RASGRF1: variants seen among roughly 807,000 people sequenced by gnomAD.
RASGRF1 encodes the protein Ras protein specific guanine nucleotide releasing factor 1.
Under a neutral mutation model 138.7 loss-of-function variants are expected in RASGRF1, and 40 were observed. The ratio of observed to expected loss-of-function variants is 0.29; its 90% CI spans 0.22 to 0.38. RASGRF1 has a LOEUF of 0.38. Among genes scored for constraint, RASGRF1 ranks in the 10% least tolerant of loss-of-function variants. The pLI, the probability that RASGRF1 is intolerant of heterozygous loss-of-function variation, is 1.00. For synonymous variants in RASGRF1, 614 were observed against 663.2 expected (o/e 0.93, Z 1.14); for missense variants, 1,108 against 1,650.4 (o/e 0.67, Z 5.69).
Position 78,980,670 on chromosome 15 carries a change from CT to C in RASGRF1, c.3443del (p.Lys1148SerfsTer16). 6.2e-7 allele frequency: 1 copy of C among 1,605,950 alleles called. No homozygotes were observed. The highest frequency in any genetic ancestry group is 8.5e-7 in the Non-Finnish European group (1 of 1,173,232). ...TAAATCTGCCCTCAGATGACACAAG[CT>C]TTTGGAGCTTATCAATCAAAGCTTT... ...QTKALIDKLQ[K>X]LVSSEGRFKN... On this transcript the variant is annotated frameshift_variant, in exon 24 of 27. Transcript: ENST00000558480. LOFTEE classifies it high-confidence loss of function.
chr15:79,030,024 G>A (rs1189971131), intron 8 of RASGRF1, among the ~76,000 whole-genome samples: 1 of 152,082 alleles, frequency 6.6e-6, no homozygotes, highest in African/African-American at 2.4e-5. Context: ...GGGCATGGGA[G>A]GACTGGAGTC....
At chr15:79,015,115 A>C (rs1372598434) in intron 13 of RASGRF1, among the ~76,000 whole-genome samples, 1 of 152,134 alleles carries the variant, frequency 6.6e-6, no homozygotes. Context: ...AAATTTAAAA[A>C]AAAAACCCAA....
Position 79,004,148 on chromosome 15 carries a change from G to C in RASGRF1, c.2103C>G (p.Gly701=). ...ARSLELLFAS[G]QNNKLLYGEP... is the part of the protein sequence containing the mutation. ...CACCGTACAGGAGCTTATTGTTCTG[G>C]CCACTGGCAAACAGGAGCTCCAGCG... is the stretch of plus-strand genomic sequence containing the variant. The change falls in exon 15 of 27, where the codon GGC becomes GGG. Residue 701 remains glycine (G), a synonymous_variant. Transcript: ENST00000558480. 6.3e-7 allele frequency: 1 copy of C among 1,595,004 alleles called. No individual in the cohort carries two copies. Among genetic ancestry groups the C allele is most frequent in the South Asian group, 1.1e-5 (1 of 89,752 alleles).
chr15:79,080,533 A>G (rs4778879), intron 1 of RASGRF1, among the ~76,000 whole-genome samples: 63,873 of 152,082 alleles, frequency 0.42, 13,602 homozygotes, highest in East Asian at 0.51. Context: ...CTCACAGGAA[A>G]AGTTCATCTT....
intron 3 of RASGRF1, among the ~76,000 whole-genome samples, chr15:79,053,630 A>G (rs990683529): frequency 2.0e-5 from 3 of 152,242 alleles, no homozygotes; most frequent in Non-Finnish European, 2.9e-5. Flanking sequence ...GGGAGAGAAG[A>G]GACTAAGTCA....
intron 22 of RASGRF1, 194 bp from the exon 23 acceptor site, chr15:78,985,398 C>T (rs899420399): frequency 1.8e-6 from 1 of 548,982 alleles, no homozygotes; most frequent in South Asian, 2.6e-5. Context: ...TTTATATATA[C>T]ATTAGCAATA....
rs559262437 is a variant in RASGRF1, at chr15:79,066,754, T to C, written c.277-2228A>G. Among the ~76,000 whole-genome samples, 3 of 152,334 alleles carry C rather than the reference T, an allele frequency of 2.0e-5. No individual in the cohort carries two copies. The East Asian group carries it at 5.8e-4, about 29-fold the overall frequency. On this transcript the variant is annotated intron_variant, in intron 1 of 26. Transcript: ENST00000558480. ...CTGGAAACCTAACTGTGAGGAAGGA[T>C]GCCAGGAAGACCCTCCAGGCCTGAA...
At chr15:79,020,169 G>A (rs1481775844) in intron 10 of RASGRF1, 65 bp from the exon 11 acceptor site, 2 of 1,494,874 alleles carry the variant, frequency 1.3e-6, no homozygotes, top group African/African-American at 2.8e-5. Context: ...GGAGTCCCTG[G>A]ATGATAGGGT....
At chr15:78,998,073 C>T (rs772236687) in intron 19 of RASGRF1, 23 bp downstream of exon 19, 1 of 1,594,306 alleles carries the variant, frequency 6.3e-7, no homozygotes, top group African/African-American at 1.3e-5. Context: ...AGTTCTGAGC[C>T]AGGAACCAGG....
At position 79,032,696 on chromosome 15, in the gene RASGRF1, C is replaced by T. The variant is rs1462690828; in HGVS notation, c.959-380G>A. Among the ~76,000 whole-genome samples the T allele has an allele frequency of 6.6e-6, 1 of 152,190 alleles. No homozygotes were observed. The highest frequency in any genetic ancestry group is 1.5e-5 in the Non-Finnish European group (1 of 68,030). On this transcript the variant is annotated intron_variant, in intron 6 of 26. Transcript: ENST00000558480. This position sits in a 1 kb window ranked among gnomAD's most constrained non-coding sequence, Gnocchi z 4.5. Reference sequence around the variant, plus strand: ...TGGGTCCCTCTCCAGGCATTGCCCTCAGCTGGAGGAAGCTGCCTTGCCTGG... The same window carrying T: ...TGGGTCCCTCTCCAGGCATTGCCCTTAGCTGGAGGAAGCTGCCTTGCCTGG...
chr15:78,962,024 C>G lies in RASGRF1; in HGVS notation c.*120G>C. 3 of 672,984 alleles carry G rather than the reference C, an allele frequency of 4.5e-6. No individual in the cohort carries two copies. The highest frequency in any genetic ancestry group is 2.7e-5 in the Admixed American group (1 of 37,124). The allele number at this position is 672,984 out of a possible 1,614,324, so 41.7% of individuals were successfully genotyped here. On this transcript the variant is annotated 3_prime_UTR_variant, in exon 27 of 27. Coordinates refer to ENST00000558480, the MANE Select transcript of RASGRF1 (RefSeq NM_001145648.3). ...TTCTACAGGAATCTAAGAACAAGGA[C>G]GATTTGTATTCTTGGAGAAGCACAT...
rs756017400 is a variant in RASGRF1, at chr15:79,050,245, G to C, written c.532-657C>G. Among the ~76,000 whole-genome samples the C allele has an allele frequency of 1.2e-3, 188 of 152,254 alleles. No homozygotes were observed. The highest frequency in any genetic ancestry group is 2.5e-3 in the Non-Finnish European group (167 of 68,024). ...AGGTACCTCATCTAAGCGGAATCAT[G>C]CACTATTTGTCTTTCTGTGACCGGC... is the stretch of plus-strand genomic sequence containing the variant. On this transcript the variant is annotated intron_variant, in intron 3 of 26. Transcript: ENST00000558480. This position sits in a 1 kb window ranked among gnomAD's most constrained non-coding sequence, Gnocchi z 4.1.
At chr15:79,022,435 C>T (rs1336600996) in intron 10 of RASGRF1, among the ~76,000 whole-genome samples, 2 of 151,704 alleles carry the variant, frequency 1.3e-5, no homozygotes, top group Non-Finnish European at 1.5e-5. Context: ...AGCGAAACTC[C>T]ACCTCAAAAA....
intron 17 of RASGRF1, among the ~76,000 whole-genome samples, chr15:78,999,035 C>T (rs568836924): frequency 4.9e-4 from 75 of 152,310 alleles, no homozygotes; most frequent in African/African-American, 1.8e-3. Context: ...GCATGCCCAG[C>T]CTCTTCCAGA....
intron 8 of RASGRF1, among the ~76,000 whole-genome samples, chr15:79,029,389 G>A (rs1437984812): frequency 2.0e-5 from 3 of 152,158 alleles, no homozygotes; most frequent in South Asian, 2.1e-4. Flanking sequence ...CCTGTGTTTG[G>A]TAAAACACAA....
rs746544994 is a variant in RASGRF1 at position 79,046,991 on chromosome 15, G to A, written c.633C>T (p.Ser211=). ...GCCGGCACAGCCAGCCCCGCAGGAAGCTCTGCACCTGAGCAGCAAGACCGG... is the reference window on the plus strand; with the variant it reads ...GCCGGCACAGCCAGCCCCGCAGGAAACTCTGCACCTGAGCAGCAAGACCGG... ...SDIKKIKKVQ[S]FLRGWLCRRK... The change falls in exon 5 of 27, where the codon AGC becomes AGT. Residue 211 remains serine (S), a synonymous_variant. Transcript: ENST00000558480. The surrounding 1 kb of genome is among the most constrained non-coding windows in gnomAD (Gnocchi z 5.3). 1 of 1,611,338 alleles carries A rather than the reference G, an allele frequency of 6.2e-7. No individual in the cohort carries two copies. The highest frequency in any genetic ancestry group is 8.5e-7 in the Non-Finnish European group (1 of 1,178,814).
intron 13 of RASGRF1, among the ~76,000 whole-genome samples, chr15:79,014,951 A>G (rs1310645856): frequency 6.6e-6 from 1 of 151,360 alleles, no homozygotes; most frequent in Admixed American, 6.6e-5. Flanking sequence ...AAAACAAAAA[A>G]CAAACAAAAC....
chr15:79,032,312 G>T lies in RASGRF1; in HGVS notation c.963C>A (p.Asp321Glu). 6.2e-7 allele frequency: 1 copy of T among 1,613,886 alleles called. No homozygotes were observed. The highest frequency in any genetic ancestry group is 8.5e-7 in the Non-Finnish European group (1 of 1,179,856). Residue 321 changes from aspartate to glutamate, a missense_variant, in exon 7 of 27, where the codon GAC becomes GAA. This residue lies in a region of RASGRF1 where 169 missense variants were observed against 344.2 expected (regional missense o/e 0.49). Coordinates refer to ENST00000558480, the MANE Select transcript of RASGRF1 (RefSeq NM_001145648.3). This position sits in a 1 kb window ranked among gnomAD's most constrained non-coding sequence, Gnocchi z 4.5. ...GCATGGGCAGCAGGATGTCAAATAGGTCAGCTGGAAGGACGAGGCAGTCAG... is the reference window on the plus strand; with the variant it reads ...GCATGGGCAGCAGGATGTCAAATAGTTCAGCTGGAAGGACGAGGCAGTCAG... ...ISSWPTLVLA[D>E]LFDILLPMLN...
chr15:78,991,698 G>A lies in RASGRF1; in HGVS notation c.3124C>T (p.Pro1042Ser), dbSNP rs2056270993. ...LLDHLVFKKIPYEEFFGQGWM... is the reference protein window; with the variant it reads ...LLDHLVFKKISYEEFFGQGWM... ...GGTGCCTGCAACACTTACTCATAAG[G>A]AATCTTCTTGAAGACGAGGTGATCT... The change falls in exon 21 of 27, where the codon CCT (proline) becomes TCT (serine). Residue 1042 changes from proline to serine, a missense_variant. Transcript: ENST00000558480. 6.2e-7 allele frequency: 1 copy of A among 1,613,508 alleles called. No individual in the cohort carries two copies.
Sources: gnomAD v4.1 joint callset for allele counts (sites outside exome capture counted in the v4.1 genomes callset) on GRCh38, gnomAD v4.1.1 for gene constraint, gnomAD v4.1.1 regional missense constraint, Gnocchi (gnomAD v3.1) non-coding constraint, MANE v1.5 for transcripts, NCBI Gene and HGNC (gene_info 2026-07-23, HGNC 2026-07-21) for gene names.